PPME1: variants seen among roughly 807,000 people sequenced by gnomAD.
PPME1 encodes the protein protein phosphatase methylesterase 1, also known as testicular secretory protein Li 39.
PPME1 carries 17 observed loss-of-function variants against 56.9 expected under a neutral mutation model. The ratio of observed to expected loss-of-function variants is 0.30; its 90% CI spans 0.20 to 0.45. The LOEUF (loss-of-function observed/expected upper bound fraction) is 0.45, where lower values mean the gene tolerates loss of function less well. Among genes scored for constraint, PPME1 ranks in the 20% least tolerant of loss-of-function variants. PPME1 has a pLI of 1.00. For synonymous variants in PPME1, 122 were observed against 156.2 expected, an observed-to-expected ratio of 0.78 and a Z score of 1.63; for missense variants, 357 against 483.2, an observed-to-expected ratio of 0.74 and a Z score of 2.45.
At chr11:74,238,264 A>G (rs1728894115) in intron 8 of PPME1, 1 of 152,188 alleles carries the variant, frequency 6.6e-6, no homozygotes, top group South Asian at 2.1e-4. Flanking sequence ...ACATTTGTGA[A>G]CTTACACTTC....
intron 1 of PPME1, among the ~76,000 whole-genome samples, chr11:74,193,232 A>G (rs1017090898): frequency 7.2e-5 from 11 of 152,384 alleles, no homozygotes; most frequent in South Asian, 2.1e-4. Flanking sequence ...TCAATCAGGA[A>G]TGATGGTGAT....
chr11:74,215,248 G>A (rs1323482054), intron 3 of PPME1, among the ~76,000 whole-genome samples: 1 of 152,152 alleles, frequency 6.6e-6, no homozygotes, highest in Admixed American at 6.5e-5. Context: ...GGCTGATGTG[G>A]GAGGATTGCT....
At chr11:74,200,423 C>G (rs1472757570) in intron 1 of PPME1, among the ~76,000 whole-genome samples, 1 of 149,260 alleles carries the variant, frequency 6.7e-6, no homozygotes, top group Non-Finnish European at 1.5e-5. Flanking sequence ...GCTCTGTCAC[C>G]CAGGCTGGAG....
At chr11:74,178,354 A>G (rs578075349) in intron 1 of PPME1, among the ~76,000 whole-genome samples, 26 of 152,160 alleles carry the variant, frequency 1.7e-4, no homozygotes, top group Non-Finnish European at 3.4e-4. Context: ...TCACATACCC[A>G]TCCTAAAACC....
In PPME1 at chr11:74,231,066, A is replaced by G. The variant is rs1591057254; in HGVS notation, c.644+64A>G. On this transcript the variant is annotated intron_variant, in intron 7 of 13. Transcript: ENST00000328257. ...TGTTTGTTTGTTTGCTTGCTTATTTATTTATTTAGGAGACAAGGCCTCACT... is the reference window on the plus strand; with the variant it reads ...TGTTTGTTTGTTTGCTTGCTTATTTGTTTATTTAGGAGACAAGGCCTCACT... 2.9e-6 allele frequency: 4 copies of G among 1,390,526 alleles called. No homozygotes were observed. In the East Asian group the frequency reaches 1.0e-4, roughly 35 times the overall value. The allele number at this position is 1,390,526 out of a possible 1,614,324, so 86.1% of individuals were successfully genotyped here. A position where few individuals can be genotyped will look rare whatever the true frequency, so the allele number is the denominator to read the frequency against.
intron 1 of PPME1, among the ~76,000 whole-genome samples, chr11:74,198,105 G>C (rs368314198): frequency 1.3e-5 from 2 of 152,166 alleles, no homozygotes; most frequent in South Asian, 2.1e-4. Context: ...TTACCTACCA[G>C]AGTAGATTTT....
chr11:74,231,013 A>G lies in PPME1; in HGVS notation c.644+11A>G. Reference sequence around the variant, plus strand: ...TGCTATTGAATGGAGGTAACCAACAAATCTTTGTCGCCTTTATTTAATTAA... The same window carrying G: ...TGCTATTGAATGGAGGTAACCAACAGATCTTTGTCGCCTTTATTTAATTAA... On this transcript the variant is annotated intron_variant, in intron 7 of 13. Transcript: ENST00000328257. The G allele has an allele frequency of 6.4e-7, 1 of 1,563,044 alleles. No homozygotes were observed. Among genetic ancestry groups the G allele is most frequent in the Non-Finnish European group, 8.7e-7 (1 of 1,144,918 alleles).
Position 74,200,855 on chromosome 11 carries a change from T to C in PPME1, c.102-2873T>C, listed in dbSNP as rs117332383. Among the ~76,000 whole-genome samples the C allele has an allele frequency of 1.8e-3, 281 of 152,262 alleles. 5 individuals carry two copies. In the East Asian group the frequency reaches 0.046, roughly 25 times the overall value. Reference sequence around the variant, plus strand: ...CTGTTTTTTTGTTTATTTTTATTTTTATTATTGTTTTTTGAGAGATGAGAC... The same window carrying C: ...CTGTTTTTTTGTTTATTTTTATTTTCATTATTGTTTTTTGAGAGATGAGAC... On this transcript the variant is annotated intron_variant, in intron 1 of 13. Transcript: ENST00000328257.
chr11:74,246,262 G>A lies in PPME1; in HGVS notation c.964+57G>A, dbSNP rs1209899047. On this transcript the variant is annotated intron_variant, in intron 10 of 13. Coordinates refer to ENST00000328257, the MANE Select transcript of PPME1 (RefSeq NM_016147.3). Reference sequence around the variant, plus strand: ...CAGGCTGCCATAACCAAATATCATAGACTGAGTGGCTTAAACAACAGAAAT... The same window carrying A: ...CAGGCTGCCATAACCAAATATCATAAACTGAGTGGCTTAAACAACAGAAAT... 4.9e-6 allele frequency: 7 copies of A among 1,430,856 alleles called. No individual in the cohort carries two copies. The African/African-American group carries it at 5.9e-5, about 12-fold the overall frequency. The allele number at this position is 1,430,856 out of a possible 1,614,324, so 88.6% of individuals were successfully genotyped here.
chr11:74,250,776 C>T (rs763131053), intron 11 of PPME1, 178 bp from the exon 12 acceptor site: 14 of 588,024 alleles, frequency 2.4e-5, no homozygotes, highest in African/African-American at 5.6e-5. Context: ...AAATGATTGG[C>T]GCAAGGTTAC....
intron 1 of PPME1, among the ~76,000 whole-genome samples, chr11:74,196,762 C>T (rs537640644): frequency 6.6e-6 from 1 of 152,230 alleles, no homozygotes; most frequent in East Asian, 1.9e-4. Context: ...ATGTGTTCTG[C>T]TACAAGGGTT....
rs1859029109 is a variant in PPME1 at position 74,230,120 on chromosome 11, A to T, written c.399-125A>T. On this transcript the variant is annotated intron_variant, in intron 5 of 13. Coordinates refer to ENST00000328257, the MANE Select transcript of PPME1 (RefSeq NM_016147.3). The surrounding 1 kb of genome is among the most constrained non-coding windows in gnomAD (Gnocchi z 4.9). ...AGGTTTACATAGGTATGTTTGTAAG[A>T]TGGCCCAATAGACTTTTACAGTTTC... The T allele has an allele frequency of 8.8e-6, 9 of 1,020,660 alleles. No individual in the cohort carries two copies. The highest frequency in any genetic ancestry group is 1.3e-5 in the Non-Finnish European group (9 of 701,756). The allele number at this position is 1,020,660 out of a possible 1,614,324, so 63.2% of individuals were successfully genotyped here.
chr11:74,210,268 CT>C (rs572088764), intron 3 of PPME1, among the ~76,000 whole-genome samples: 42 of 152,274 alleles, frequency 2.8e-4, no homozygotes, highest in South Asian at 6.2e-4. Flanking sequence ...ACTTGATAAA[CT>C]ATAATGTCCC....
intron 12 of PPME1, 142 bp downstream of exon 12, chr11:74,251,160 C>G: frequency 6.8e-7 from 1 of 1,472,474 alleles, no homozygotes; most frequent in Admixed American, 2.3e-5. Flanking sequence ...CACCAGCTCT[C>G]CAACTTCTCC....
Position 74,181,318 on chromosome 11 carries a change from G to A in PPME1, c.101+9796G>A, listed in dbSNP as rs1204666448. On this transcript the variant is annotated intron_variant, in intron 1 of 13. Transcript: ENST00000328257. ...CCGCCTCGGCCTCCCAAAGTGCTGG[G>A]ATTACAGGCGTGAGCCACCGCGCCC... Among the ~76,000 whole-genome samples the A allele has an allele frequency of 2.6e-5, 4 of 152,072 alleles. No individual in the cohort carries two copies. In the East Asian group the frequency reaches 7.7e-4, roughly 29 times the overall value.
chr11:74,171,386 C>A lies in PPME1; in HGVS notation c.-36C>A. ...ACACTCAACGTGGGACGAAGCTTCG[C>A]CTACTGTTTGACTACGTGCGTGCAG... On this transcript the variant is annotated 5_prime_UTR_variant, in exon 1 of 14. Transcript: ENST00000328257. 1 of 1,587,712 alleles carries A rather than the reference C, an allele frequency of 6.3e-7. No homozygotes were observed. Among genetic ancestry groups the A allele is most frequent in the South Asian group, 1.1e-5 (1 of 87,292 alleles).
chr11:74,208,063 C>T (rs752925019), intron 3 of PPME1, among the ~76,000 whole-genome samples: 10 of 152,112 alleles, frequency 6.6e-5, no homozygotes, highest in Non-Finnish European at 1.0e-4. Flanking sequence ...CCTGTAATCC[C>T]AGCACTTTGG....
chr11:74,172,360 A>G (rs2135584933), intron 1 of PPME1, among the ~76,000 whole-genome samples: 1 of 152,304 alleles, frequency 6.6e-6, no homozygotes, highest in South Asian at 2.1e-4. Context: ...AAAGATTGAG[A>G]GATGACTATA....
intron 1 of PPME1, among the ~76,000 whole-genome samples, chr11:74,199,512 A>G (rs1858090485): frequency 6.6e-6 from 1 of 152,152 alleles, no homozygotes; most frequent in Non-Finnish European, 1.5e-5. Flanking sequence ...TGTCCAGGTT[A>G]GAGTACAGTG....
Sources: gnomAD v4.1 joint callset for allele counts (sites outside exome capture counted in the v4.1 genomes callset) on GRCh38, gnomAD v4.1.1 for gene constraint, Gnocchi (gnomAD v3.1) non-coding constraint, MANE v1.5 for transcripts, NCBI Gene and HGNC (gene_info 2026-07-23, HGNC 2026-07-21) for gene names.